The following MGAT4A variants were observed in gnomAD, a reference collection of about 807,000 sequenced individuals.
The protein encoded by MGAT4A is alpha-1,3-mannosyl-glycoprotein 4-beta-N-acetylglucosaminyltransferase A, also known as N-acetylglucosaminyltransferase IVa.
A neutral mutation model predicts 74.1 loss-of-function variants in MGAT4A; 33 were observed. The observed-to-expected ratio is 0.45, with a 90% CI of 0.34 to 0.60. The LOEUF is 0.60. Among genes scored for constraint, MGAT4A ranks in the 20% least tolerant of loss-of-function variants. The probability of loss-of-function intolerance (pLI) is 0.02; values close to 1 mark genes in which losing one functional copy is unlikely to be tolerated. For missense variants in MGAT4A, 479 were observed against 628.3 expected (o/e 0.76, Z 2.54); for synonymous variants, 198 against 210.4 (o/e 0.94, Z 0.51).
intron 2 of MGAT4A, among the ~76,000 whole-genome samples, chr2:98,686,456 A>G (rs1702131732): frequency 6.6e-6 from 1 of 152,164 alleles, no homozygotes; most frequent in African/African-American, 2.4e-5. Context: ...TAATAAGTTA[A>G]AATCTATCCC....
chr2:98,656,510 T>G (rs1489468586), intron 6 of MGAT4A, 45 bp from the exon 7 acceptor site: 1 of 1,312,344 alleles, frequency 7.6e-7, no homozygotes, highest in East Asian at 2.3e-5. Context: ...CTGTGGGATT[T>G]TATTTATCTT....
chr2:98,727,147 A>T (rs1702776400), intron 1 of MGAT4A, among the ~76,000 whole-genome samples: 1 of 152,322 alleles, frequency 6.6e-6, no homozygotes, highest in Middle Eastern at 3.4e-3. Flanking sequence ...GGTTACAGTT[A>T]TAACTGCTGT....
intron 2 of MGAT4A, among the ~76,000 whole-genome samples, chr2:98,708,071 T>C (rs995331013): frequency 3.3e-5 from 5 of 152,172 alleles, no homozygotes; most frequent in Non-Finnish European, 4.4e-5. Context: ...GACCAAAATA[T>C]ATAAGTTAAG....
At position 98,693,197 on chromosome 2, in the gene MGAT4A, C is replaced by T. The variant is rs966084344; in HGVS notation, c.95-14726G>A. 2.0e-5 allele frequency among the ~76,000 whole-genome samples: 3 copies of T among 152,032 alleles called. No homozygotes were observed. In the East Asian group the frequency reaches 5.8e-4, roughly 29 times the overall value. On this transcript the variant is annotated intron_variant, in intron 2 of 15. Transcript: ENST00000393487. ...GAAAAAGAACTGTCAATCTCAAATA[C>T]CATCTCTGGCAAAACTATCTGTAAG...
Position 98,678,249 on chromosome 2 carries a change from A to AAAAAATATATATAT in MGAT4A, c.262+54_262+55insATATATATATTTTT, listed in dbSNP as rs67023324. 478 of 263,606 alleles carry AAAAAATATATATAT rather than the reference A, an allele frequency of 1.8e-3. 1 individual carries two copies. Among genetic ancestry groups the AAAAAATATATATAT allele is most frequent in the Admixed American group, 7.3e-3 (88 of 11,992 alleles). 16.3% of individuals were successfully genotyped at this position (263,606 alleles called of 1,614,324 possible). A position where few individuals can be genotyped will look rare whatever the true frequency, so the allele number is the denominator to read the frequency against. On this transcript the variant is annotated intron_variant, in intron 3 of 15. Transcript: ENST00000393487. ...TGTCTCAAAGAAAAAAAAAAAAAAAAATATATATATATATATATAAAATCT... is the reference window on the plus strand; with the variant it reads ...TGTCTCAAAGAAAAAAAAAAAAAAAAAAAAATATATATATATATATATATATATATATAAAATCT...
At chr2:98,662,074 C>A (rs1575256842) in intron 5 of MGAT4A, among the ~76,000 whole-genome samples, 1 of 152,234 alleles carries the variant, frequency 6.6e-6, no homozygotes, top group South Asian at 2.1e-4. Context: ...ATGTGGTGTT[C>A]CATAGTGCAT....
rs114593472 is a variant in MGAT4A, at chr2:98,660,993, G to A, written c.537+2053C>T. On this transcript the variant is annotated intron_variant, in intron 5 of 15. Coordinates refer to ENST00000393487, the MANE Select transcript of MGAT4A (RefSeq NM_012214.3). Reference sequence around the variant, plus strand: ...GCATGCCTGACAACCTATGGGTTAGGAGAAAATATCTGCATGCTGCACATC... The same window carrying A: ...GCATGCCTGACAACCTATGGGTTAGAAGAAAATATCTGCATGCTGCACATC... Among the ~76,000 whole-genome samples, 1,023 of 152,290 alleles carry A rather than the reference G, an allele frequency of 6.7e-3. 16 individuals carry two copies. The highest frequency in any genetic ancestry group is 0.023 in the African/African-American group (951 of 41,562).
chr2:98,706,872 A>G (rs919113674), intron 2 of MGAT4A, among the ~76,000 whole-genome samples: 5 of 149,442 alleles, frequency 3.3e-5, no homozygotes, highest in Admixed American at 1.3e-4. Flanking sequence ...GAGATCTGCC[A>G]TGCTTTCTTC....
chr2:98,633,347 C>G (rs1482038369), intron 14 of MGAT4A, among the ~76,000 whole-genome samples: 1 of 152,140 alleles, frequency 6.6e-6, no homozygotes, highest in African/African-American at 2.4e-5. Flanking sequence ...TCTGTCTCCC[C>G]GAGCTGGGGG....
intron 2 of MGAT4A, among the ~76,000 whole-genome samples, chr2:98,698,701 T>C (rs996358141): frequency 2.0e-5 from 3 of 152,194 alleles, no homozygotes; most frequent in Non-Finnish European, 4.4e-5. Flanking sequence ...GCTTCAGTAT[T>C]ACCAAGCTGC....
At chr2:98,682,158 C>T (rs1271585549) in intron 2 of MGAT4A, among the ~76,000 whole-genome samples, 2 of 152,164 alleles carry the variant, frequency 1.3e-5, no homozygotes, top group Non-Finnish European at 2.9e-5. Context: ...TGCGGTGGCT[C>T]ACGCCTGTAA....
intron 2 of MGAT4A, among the ~76,000 whole-genome samples, chr2:98,707,384 T>C (rs1702455382): frequency 6.6e-6 from 1 of 152,182 alleles, no homozygotes; most frequent in Admixed American, 6.5e-5. Flanking sequence ...TAGTTTATTT[T>C]TGCTGGCTGC....
chr2:98,620,685 CAG>C lies in MGAT4A; in HGVS notation c.*4879_*4880del, dbSNP rs1056590502. 2.0e-5 allele frequency: 3 copies of C among 152,204 alleles called. No individual in the cohort carries two copies. The highest frequency in any genetic ancestry group is 7.2e-5 in the African/African-American group (3 of 41,442). The allele number at this position is 152,204 out of a possible 1,614,324, so 9.4% of individuals were successfully genotyped here. A position where few individuals can be genotyped will look rare whatever the true frequency, so the allele number is the denominator to read the frequency against. ...AAAAAAAATTAAATCCCTCGATACA[CAG>C]ATTATCTGATCTCTACAAGGCAAAG... On this transcript the variant is annotated 3_prime_UTR_variant, in exon 16 of 16. Coordinates refer to ENST00000393487, the MANE Select transcript of MGAT4A (RefSeq NM_012214.3).
chr2:98,730,530 G>A (rs1349348190), intron 1 of MGAT4A, among the ~76,000 whole-genome samples: 1 of 152,162 alleles, frequency 6.6e-6, no homozygotes, highest in African/African-American at 2.4e-5. Flanking sequence ...CTGCGCCTCG[G>A]ACCGTCCGGC....
At chr2:98,650,340 C>G in intron 8 of MGAT4A, among the ~76,000 whole-genome samples, 1 of 152,012 alleles carries the variant, frequency 6.6e-6, no homozygotes, top group African/African-American at 2.4e-5. Context: ...GAGAAGAGAG[C>G]CTATTTGAAC....
intron 10 of MGAT4A, 143 bp downstream of exon 10, chr2:98,643,780 C>G: frequency 1.4e-6 from 1 of 729,408 alleles, no homozygotes; most frequent in Non-Finnish European, 2.0e-6. Context: ...AAAAGTTCTT[C>G]TAATATAGAA....
At chr2:98,654,810 C>T (rs1375433538) in intron 8 of MGAT4A, among the ~76,000 whole-genome samples, 1 of 152,048 alleles carries the variant, frequency 6.6e-6, no homozygotes, top group Non-Finnish European at 1.5e-5. Flanking sequence ...CTCAAATTTA[C>T]ATGGAGTCTG....
chr2:98,646,323 C>A (rs941026441), intron 8 of MGAT4A, among the ~76,000 whole-genome samples: 4 of 152,080 alleles, frequency 2.6e-5, no homozygotes, highest in Non-Finnish European at 4.4e-5. Context: ...ATACCACACA[C>A]CCTGAAGAGG....
At chr2:98,727,138 G>C (rs1011347860) in intron 1 of MGAT4A, among the ~76,000 whole-genome samples, 1 of 152,094 alleles carries the variant, frequency 6.6e-6, no homozygotes, top group South Asian at 2.1e-4. Context: ...TTATTAAAAG[G>C]TTACAGTTAT....
Sources: gnomAD v4.1 joint callset for allele counts (sites outside exome capture counted in the v4.1 genomes callset) on GRCh38, gnomAD v4.1.1 for gene constraint, MANE v1.5 for transcripts, NCBI Gene and HGNC (gene_info 2026-07-23, HGNC 2026-07-21) for gene names.